Variants in CWF19L2 observed in about 807,000 individuals in gnomAD.
CWF19L2 encodes CWF19 like cell cycle control factor 2, also known as CWF19-like protein 2.
CWF19L2 carries 98 observed loss-of-function variants against 111.7 expected under a neutral mutation model. That is an observed-to-expected ratio of 0.88 (90% CI 0.75 to 1.04). The LOEUF (loss-of-function observed/expected upper bound fraction) is 1.04, where lower values mean the gene tolerates loss of function less well. Ranked by LOEUF, CWF19L2 falls within the 50% of genes least tolerant of loss-of-function variation. CWF19L2 has a pLI of 0.00. For missense variants in CWF19L2, 1,101 were observed against 1,051.4 expected, an observed-to-expected ratio of 1.05 and a Z score of -0.65; for synonymous variants, 351 against 342.9, an observed-to-expected ratio of 1.02 and a Z score of -0.26.
At chr11:107,361,882 C>T (rs144702831) in intron 12 of CWF19L2, among the ~76,000 whole-genome samples, 2,170 of 152,190 alleles carry the variant, frequency 0.014, 47 homozygotes, top group African/African-American at 0.049. Flanking sequence ...ACGCAGAAGA[C>T]GGGTGATTTG....
chr11:107,360,576 G>A (rs529268358), intron 12 of CWF19L2, among the ~76,000 whole-genome samples: 1 of 152,112 alleles, frequency 6.6e-6, no homozygotes, highest in Non-Finnish European at 1.5e-5. Flanking sequence ...TTTCCATAGA[G>A]GCCGTACCAA....
At chr11:107,410,223 C>T (rs1861137108) in intron 10 of CWF19L2, among the ~76,000 whole-genome samples, 2 of 151,912 alleles carry the variant, frequency 1.3e-5, no homozygotes, top group African/African-American at 2.4e-5. Flanking sequence ...CATGATTTTC[C>T]TCTAGAACGT....
At chr11:107,344,608 T>C (rs1267387263) in intron 14 of CWF19L2, among the ~76,000 whole-genome samples, 7 of 152,236 alleles carry the variant, frequency 4.6e-5, no homozygotes, top group Non-Finnish European at 8.8e-5. Flanking sequence ...GTACTTTCCT[T>C]ACAGCACTTG....
intron 12 of CWF19L2, among the ~76,000 whole-genome samples, chr11:107,378,171 A>AC (rs1860623265): frequency 6.7e-6 from 1 of 150,268 alleles, no homozygotes; most frequent in African/African-American, 2.5e-5. Context: ...TGTTGGTGGG[A>AC]CTGTCAACTA....
chr11:107,394,849 T>C (rs1488101317), intron 10 of CWF19L2, among the ~76,000 whole-genome samples: 1 of 152,120 alleles, frequency 6.6e-6, no homozygotes, highest in East Asian at 1.9e-4. Flanking sequence ...AAATTCACCG[T>C]GTTAAAAACA....
chr11:107,375,956 C>T lies in CWF19L2; in HGVS notation c.1872+14118G>A, dbSNP rs1463247552. Among the ~76,000 whole-genome samples the T allele has an allele frequency of 3.1e-3, 286 of 93,608 alleles. 19 individuals are homozygous for T. The highest frequency in any genetic ancestry group is 0.016 in the African/African-American group (246 of 15,546). The allele number at this position is 93,608 out of a possible 152,430, so 61.4% of individuals were successfully genotyped here. The stretch of plus-strand genomic sequence containing the variant: ...TATCACCACCGATCCCACAGAAATA[C>T]AAACTACCATCAGAGAATACTACAA... On this transcript the variant is annotated intron_variant, in intron 12 of 17. Coordinates refer to ENST00000282251, the MANE Select transcript of CWF19L2 (RefSeq NM_152434.3).
intron 12 of CWF19L2, among the ~76,000 whole-genome samples, chr11:107,381,894 C>A (rs974065222): frequency 9.9e-5 from 15 of 152,196 alleles, no homozygotes; most frequent in African/African-American, 3.6e-4. Flanking sequence ...ATAAAATCAT[C>A]TTTTTTTAAT....
In CWF19L2 at chr11:107,370,538, T is replaced by C. The variant is rs1250603664; in HGVS notation, c.1873-16802A>G. On this transcript the variant is annotated intron_variant, in intron 12 of 17. Coordinates refer to ENST00000282251, the MANE Select transcript of CWF19L2 (RefSeq NM_152434.3). The stretch of plus-strand genomic sequence containing the variant: ...TGAGTCATTCTTTCATAAGTGATTG[T>C]TTCTTCAAGGGAAAAAAAAAAAACA... Among the ~76,000 whole-genome samples, 13 of 71,116 alleles carry C rather than the reference T, an allele frequency of 1.8e-4. 3 individuals are homozygous for C. Among genetic ancestry groups the C allele is most frequent in the African/African-American group, 1.2e-3 (13 of 11,092 alleles). The allele number at this position is 71,116 out of a possible 152,430, so 46.7% of individuals were successfully genotyped here.
At chr11:107,364,370 AT>A (rs1170508091) in intron 12 of CWF19L2, among the ~76,000 whole-genome samples, 1 of 148,136 alleles carries the variant, frequency 6.8e-6, no homozygotes, top group Non-Finnish European at 1.5e-5. Context: ...CAGAATATAC[AT>A]TTTTTTCAGC....
At chr11:107,432,499 C>T (rs1023618783) in intron 7 of CWF19L2, among the ~76,000 whole-genome samples, 3 of 152,178 alleles carry the variant, frequency 2.0e-5, no homozygotes, top group African/African-American at 2.4e-5. Flanking sequence ...AAGAGAATCA[C>T]TTGAACCGAG....
intron 16 of CWF19L2, among the ~76,000 whole-genome samples, chr11:107,330,441 T>C (rs1480155651): frequency 2.6e-5 from 4 of 152,148 alleles, no homozygotes; most frequent in Non-Finnish European, 4.4e-5. Flanking sequence ...CTTGAATCTT[T>C]ACAGTTATAT....
At chr11:107,415,646 G>A (rs1374407957) in intron 10 of CWF19L2, among the ~76,000 whole-genome samples, 1 of 152,162 alleles carries the variant, frequency 6.6e-6, no homozygotes, top group African/African-American at 2.4e-5. Flanking sequence ...GCACAGTCCA[G>A]AATAAAAGCA....
chr11:107,425,157 C>T (rs879935360), intron 8 of CWF19L2, among the ~76,000 whole-genome samples: 4 of 149,244 alleles, frequency 2.7e-5, no homozygotes, highest in Non-Finnish European at 4.5e-5. Context: ...CCTATTTTCA[C>T]ATTAAAATGT....
intron 10 of CWF19L2, among the ~76,000 whole-genome samples, chr11:107,411,322 T>C (rs796651078): frequency 5.3e-5 from 8 of 152,280 alleles, no homozygotes; most frequent in South Asian, 2.1e-4. Context: ...TAACCTTTTA[T>C]ATTGTGTTTA....
intron 8 of CWF19L2, among the ~76,000 whole-genome samples, chr11:107,427,325 G>A (rs564573878): frequency 4.7e-4 from 72 of 151,834 alleles, no homozygotes; most frequent in African/African-American, 1.5e-3. Context: ...TTAACACAGC[G>A]AACAAAGAAT....
intron 14 of CWF19L2, 162 bp downstream of exon 14, chr11:107,348,775 G>T (rs1003911926): frequency 5.1e-6 from 2 of 391,964 alleles, no homozygotes; most frequent in African/African-American, 4.1e-5. Context: ...TAAAATGATG[G>T]AAACATCATG....
rs573959118 is a variant in CWF19L2 at position 107,342,339 on chromosome 11, T to C, written c.2203-5626A>G. The stretch of plus-strand genomic sequence containing the variant: ...TTGAAGTGTATTATTTAATTTAACA[T>C]GTTGTAATTTCATTGTAATTCAATT... On this transcript the variant is annotated intron_variant, in intron 14 of 17. Transcript: ENST00000282251. 9.9e-5 allele frequency among the ~76,000 whole-genome samples: 15 copies of C among 152,188 alleles called. No homozygotes were observed. The East Asian group carries it at 2.1e-3, about 22-fold the overall frequency.
intron 16 of CWF19L2, among the ~76,000 whole-genome samples, chr11:107,331,934 C>T (rs1242936275): frequency 1.3e-5 from 2 of 152,202 alleles, no homozygotes; most frequent in Non-Finnish European, 2.9e-5. Context: ...ACATTTAGCA[C>T]TTCCTTTTTT....
intron 12 of CWF19L2, among the ~76,000 whole-genome samples, chr11:107,357,124 C>CT (rs1860249565): frequency 6.6e-6 from 1 of 151,992 alleles, no homozygotes; most frequent in Admixed American, 6.6e-5. Context: ...AATCACACAG[C>CT]TATTAAAGGA....
Sources: allele counts gnomAD v4.1 joint callset (sites outside exome capture counted in the v4.1 genomes callset), GRCh38; gene constraint gnomAD v4.1.1; transcripts MANE v1.5; gene names NCBI Gene and HGNC (gene_info 2026-07-23, HGNC 2026-07-21).